Variants in MAF observed in about 807,000 individuals in gnomAD.
MAF encodes the protein MAF bZIP transcription factor.
Under a neutral mutation model 22.0 loss-of-function variants are expected in MAF, and 10 were observed. That is an observed-to-expected ratio of 0.45 (90% CI 0.28 to 0.77). The LOEUF is 0.77. Ranked by LOEUF, MAF falls within the 30% of genes least tolerant of loss-of-function variation. The probability of loss-of-function intolerance (pLI) is 0.12; values close to 1 mark genes in which losing one functional copy is unlikely to be tolerated. For synonymous variants in MAF, 337 were observed against 255.8 expected, an observed-to-expected ratio of 1.32 and a Z score of -3.03; for missense variants, 544 against 548.4, an observed-to-expected ratio of 0.99 and a Z score of 0.08.
chr16:79,448,628 T>A, the MAF span, among the ~76,000 whole-genome samples: 5 of 152,176 alleles, frequency 3.3e-5, no homozygotes, highest in Admixed American at 2.6e-4. Flanking sequence ...GGTTTCACTA[T>A]GTTGTCCAGG....
At chr16:79,244,299 T>C in the MAF span, among the ~76,000 whole-genome samples, 1 of 151,994 alleles carries the variant, frequency 6.6e-6, no homozygotes, top group Non-Finnish European at 1.5e-5. Flanking sequence ...GATGACATGA[T>C]TGCATATTTA....
At chr16:79,490,266 C>T in the MAF span, among the ~76,000 whole-genome samples, 1 of 152,158 alleles carries the variant, frequency 6.6e-6, no homozygotes, top group Non-Finnish European at 1.5e-5. Flanking sequence ...TGGAAATCTC[C>T]CTTCGTCTTG....
the MAF span, among the ~76,000 whole-genome samples, chr16:79,223,439 C>T: frequency 6.6e-6 from 1 of 152,104 alleles, no homozygotes; most frequent in Non-Finnish European, 1.5e-5. Context: ...ACTCTAACAT[C>T]ACAATTAAAA....
At chr16:79,411,893 A>G in the MAF span, among the ~76,000 whole-genome samples, 1 of 151,788 alleles carries the variant, frequency 6.6e-6, no homozygotes, top group Admixed American at 6.6e-5. Flanking sequence ...GCACCCTTTA[A>G]AAACATATGT....
At chr16:79,297,641 G>A in the MAF span, among the ~76,000 whole-genome samples, 1 of 152,190 alleles carries the variant, frequency 6.6e-6, no homozygotes, top group Admixed American at 6.5e-5. Flanking sequence ...GTACTTAGTA[G>A]AGTGCCTGGC....
At chr16:79,423,397 A>G in the MAF span, among the ~76,000 whole-genome samples, 1 of 152,134 alleles carries the variant, frequency 6.6e-6, no homozygotes, top group Non-Finnish European at 1.5e-5. Flanking sequence ...AGCCCCTCCT[A>G]TAAGGGCCGT....
chr16:79,211,611 C>G, the MAF span: 1 of 1,614,184 alleles, frequency 6.2e-7, no homozygotes, highest in East Asian at 2.2e-5. Flanking sequence ...TTTCCAGCAA[C>G]AGGGAGCTGC....
At chr16:79,518,393 C>T in the MAF span, among the ~76,000 whole-genome samples, 1 of 152,238 alleles carries the variant, frequency 6.6e-6, no homozygotes. Flanking sequence ...TCATTAACAA[C>T]ACAAGCTCTG....
At chr16:79,405,205 A>G in the MAF span, among the ~76,000 whole-genome samples, 6 of 152,156 alleles carry the variant, frequency 3.9e-5, no homozygotes, top group Admixed American at 3.3e-4. Context: ...GGGAATGTCC[A>G]AAGGATGGAG....
the MAF span, among the ~76,000 whole-genome samples, chr16:79,258,475 G>A: frequency 6.6e-6 from 1 of 152,164 alleles, no homozygotes; most frequent in Non-Finnish European, 1.5e-5. Flanking sequence ...CATTTTCTTT[G>A]CTTCCAAATT....
At chr16:79,375,617 G>T in the MAF span, among the ~76,000 whole-genome samples, 3 of 151,980 alleles carry the variant, frequency 2.0e-5, no homozygotes, top group African/African-American at 4.8e-5. Flanking sequence ...GATGATGAAG[G>T]TGATGATGAC....
the MAF span, among the ~76,000 whole-genome samples, chr16:79,275,314 C>G: frequency 9.9e-5 from 15 of 152,178 alleles, no homozygotes; most frequent in African/African-American, 3.6e-4. Context: ...CCATTGCACT[C>G]CAGCCTGGGC....
the MAF span, among the ~76,000 whole-genome samples, chr16:79,353,224 C>G: frequency 3.3e-5 from 5 of 151,944 alleles, no homozygotes; most frequent in African/African-American, 1.2e-4. Context: ...CAGGTCCAAG[C>G]AATTCTCTTG....
At chr16:79,215,612 G>A in the MAF span, among the ~76,000 whole-genome samples, 1 of 152,254 alleles carries the variant, frequency 6.6e-6, no homozygotes, top group Non-Finnish European at 1.5e-5. Context: ...GTTCACATCT[G>A]CAGGCTGACA....
chr16:79,424,437 G>A, the MAF span, among the ~76,000 whole-genome samples: 2 of 152,110 alleles, frequency 1.3e-5, no homozygotes, highest in Non-Finnish European at 2.9e-5. Context: ...GGCTTCTGCG[G>A]GCCTGGGCAC....
At chr16:79,317,266 TTCCC>T in the MAF span, among the ~76,000 whole-genome samples, 1 of 144,840 alleles carries the variant, frequency 6.9e-6, no homozygotes, top group African/African-American at 2.6e-5. Context: ...CTTTCCTTCC[TTCCC>T]TCCCTCCTTC....
the MAF span, among the ~76,000 whole-genome samples, chr16:79,434,959 G>T: frequency 3.3e-5 from 5 of 152,108 alleles, no homozygotes; most frequent in African/African-American, 4.8e-5. Flanking sequence ...GTCTGCGACT[G>T]GTGATGAGAT....
chr16:79,486,526 G>A, the MAF span, among the ~76,000 whole-genome samples: 6 of 152,158 alleles, frequency 3.9e-5, no homozygotes, highest in African/African-American at 1.4e-4. Flanking sequence ...TAGGTTCTAG[G>A]AAATAAGTTC....
chr16:79,597,648 C>T (rs1369983373), intron 1 of MAF: 5 of 1,020,904 alleles, frequency 4.9e-6, no homozygotes, highest in East Asian at 1.3e-4. Context: ...GAAGGCTCTA[C>T]GGTTGCACTG....
Sources: gnomAD v4.1 joint callset for allele counts (sites outside exome capture counted in the v4.1 genomes callset) on GRCh38, gnomAD v4.1.1 for gene constraint, MANE v1.5 for transcripts, NCBI Gene and HGNC (gene_info 2026-07-23, HGNC 2026-07-21) for gene names.